Variants in ZC3H3 observed in about 807,000 individuals in gnomAD.
ZC3H3 encodes the protein zinc finger CCCH-type containing 3.
Under a neutral mutation model 77.3 loss-of-function variants are expected in ZC3H3, and 36 were observed. The ratio of observed to expected loss-of-function variants is 0.47; its 90% CI spans 0.36 to 0.61. ZC3H3 has a LOEUF of 0.61. Ranked by LOEUF, ZC3H3 falls within the 20% of genes least tolerant of loss-of-function variation. ZC3H3 has a pLI of 0.00. For synonymous variants in ZC3H3, 626 were observed against 555.2 expected, an observed-to-expected ratio of 1.13 and a Z score of -1.79; for missense variants, 1,331 against 1,312.2, an observed-to-expected ratio of 1.01 and a Z score of -0.22.
In ZC3H3 at chr8:143,521,455, G is replaced by C. The variant is rs62521942; in HGVS notation, c.1562-13556C>G. Among the ~76,000 whole-genome samples, 4 of 103,872 alleles carry C rather than the reference G, an allele frequency of 3.9e-5. No homozygotes were observed. In the East Asian group the frequency reaches 9.0e-4, roughly 23 times the overall value. 68.1% of individuals were successfully genotyped at this position (103,872 alleles called of 152,430 possible). On this transcript the variant is annotated intron_variant, in intron 3 of 11. Transcript: ENST00000262577. ...GCCTCTGGGGAGCTCCCAGCAGGCCGGGAGGACTGGGTGTGGGCAGGAAGC... is the reference window on the plus strand; with the variant it reads ...GCCTCTGGGGAGCTCCCAGCAGGCCCGGAGGACTGGGTGTGGGCAGGAAGC...
In ZC3H3 at chr8:143,473,433, G is replaced by C. The variant is rs143446093; in HGVS notation, c.1903+1965C>G. ...GAATCTTCACTGGTGTTCAGCCCAC[G>C]CCTCTCCCTGCACTAGGGACGTCAG... On this transcript the variant is annotated intron_variant, in intron 5 of 11. Coordinates refer to ENST00000262577, the MANE Select transcript of ZC3H3 (RefSeq NM_015117.3). Among the ~76,000 whole-genome samples, 32 of 152,276 alleles carry C rather than the reference G, an allele frequency of 2.1e-4. 2 individuals are homozygous for C. In the East Asian group the frequency reaches 6.2e-3, roughly 29 times the overall value.
intron 9 of ZC3H3, among the ~76,000 whole-genome samples, chr8:143,463,997 G>A (rs1820338695): frequency 6.6e-6 from 1 of 152,264 alleles, no homozygotes; most frequent in African/African-American, 2.4e-5. Context: ...ACTTGATTCA[G>A]TGGAATATTA....
chr8:143,494,745 C>A lies in ZC3H3; in HGVS notation c.1715+13001G>T, dbSNP rs1408969371. 6.6e-6 allele frequency among the ~76,000 whole-genome samples: 1 copy of A among 152,198 alleles called. No homozygotes were observed. The highest frequency in any genetic ancestry group is 2.1e-4 in the South Asian group (1 of 4,828). On this transcript the variant is annotated intron_variant, in intron 4 of 11. Transcript: ENST00000262577. The surrounding 1 kb of genome is among the most constrained non-coding windows in gnomAD (Gnocchi z 5.3). ...CCTGGGCAGGAACAAAGGCCTCATT[C>A]CACCAGGTAAGGCTGGCTCAGCAAG...
At chr8:143,534,290 A>AC (rs1037510058) in intron 3 of ZC3H3, among the ~76,000 whole-genome samples, 24 of 151,242 alleles carry the variant, frequency 1.6e-4, no homozygotes, top group Non-Finnish European at 3.0e-4. Flanking sequence ...AAAAAAAAAA[A>AC]AAAAAACGAC....
chr8:143,464,913 G>A (rs1041977435), intron 9 of ZC3H3, among the ~76,000 whole-genome samples: 1 of 152,140 alleles, frequency 6.6e-6, no homozygotes, highest in Non-Finnish European at 1.5e-5. Context: ...AGAAACAGGC[G>A]TGAGAGGCTG....
intron 1 of ZC3H3, among the ~76,000 whole-genome samples, 169 bp from the exon 2 acceptor site, chr8:143,539,489 A>G (rs1423335205): frequency 6.6e-6 from 1 of 152,188 alleles, no homozygotes; most frequent in East Asian, 1.9e-4. Context: ...CTGACAACTC[A>G]GCCCGCGTCA....
chr8:143,540,114 A>T (rs114746055), intron 1 of ZC3H3, among the ~76,000 whole-genome samples: 2 of 152,392 alleles, frequency 1.3e-5, no homozygotes, highest in South Asian at 4.1e-4. Flanking sequence ...AGTGTCCCCA[A>T]GTGGGAGGCA....
At chr8:143,520,554 GC>G in intron 3 of ZC3H3, among the ~76,000 whole-genome samples, 1 of 152,210 alleles carries the variant, frequency 6.6e-6, no homozygotes, top group Non-Finnish European at 1.5e-5. Context: ...TTTCAGCCGG[GC>G]CCACCCAGAC....
intron 3 of ZC3H3, among the ~76,000 whole-genome samples, chr8:143,512,144 G>A (rs926817430): frequency 6.6e-6 from 1 of 152,230 alleles, no homozygotes; most frequent in Non-Finnish European, 1.5e-5. Context: ...CATGCAAGGA[G>A]AGCGAGCAGG....
rs561259696 is a variant in ZC3H3, at chr8:143,538,479, C to T, written c.888G>A (p.Ser296=). 7 of 1,612,952 alleles carry T rather than the reference C, an allele frequency of 4.3e-6. No individual in the cohort carries two copies. Among genetic ancestry groups the T allele is most frequent in the African/African-American group, 1.3e-5 (1 of 75,058 alleles). ...ASGPRQAREA[S]LVVTCRTNKF... Reference sequence around the variant, plus strand: ...TGTTAGTTCGACAGGTCACAACCAGCGAGGCCTCCCGGGCCTGCCTGGGTC... The same window carrying T: ...TGTTAGTTCGACAGGTCACAACCAGTGAGGCCTCCCGGGCCTGCCTGGGTC... The change falls in exon 2 of 12, where the codon TCG becomes TCA. Residue 296 remains serine (S), a synonymous_variant. Coordinates refer to ENST00000262577, the MANE Select transcript of ZC3H3 (RefSeq NM_015117.3).
At chr8:143,534,339 G>A (rs928698921) in intron 3 of ZC3H3, among the ~76,000 whole-genome samples, 1 of 149,258 alleles carries the variant, frequency 6.7e-6, no homozygotes. Flanking sequence ...AGGCAGGACC[G>A]CAGCAGCCCC....
In ZC3H3 at chr8:143,530,078, T is replaced by C. The variant is rs1198207205; in HGVS notation, c.1561+6179A>G. ...ACGGGTAGGAATCGCCCTCCGTGTG[T>C]ACAGCAAGCTCTGGGCCAGAGGCAG... On this transcript the variant is annotated intron_variant, in intron 3 of 11. Transcript: ENST00000262577. The surrounding 1 kb of genome is among the most constrained non-coding windows in gnomAD (Gnocchi z 4.3). Among the ~76,000 whole-genome samples the C allele has an allele frequency of 2.0e-5, 3 of 152,168 alleles. No individual in the cohort carries two copies. Among genetic ancestry groups the C allele is most frequent in the African/African-American group, 7.2e-5 (3 of 41,444 alleles).
chr8:143,453,946 A>C (rs888888669), intron 9 of ZC3H3, among the ~76,000 whole-genome samples: 5 of 152,262 alleles, frequency 3.3e-5, no homozygotes, highest in Non-Finnish European at 7.3e-5. Flanking sequence ...ACCCAAGGTA[A>C]GCACTACAAA....
chr8:143,464,953 G>T (rs1360350508), intron 9 of ZC3H3, among the ~76,000 whole-genome samples: 1 of 140,566 alleles, frequency 7.1e-6, no homozygotes, highest in Non-Finnish European at 1.5e-5. Context: ...CCGGGACCAG[G>T]CCCACTGGAG....
intron 5 of ZC3H3, among the ~76,000 whole-genome samples, chr8:143,470,342 T>G (rs566754437): frequency 6.6e-6 from 1 of 151,758 alleles, no homozygotes; most frequent in Non-Finnish European, 1.5e-5. Context: ...AAAGGGGGCG[T>G]TGAAGAACGC....
At chr8:143,440,830 C>G in intron 10 of ZC3H3, 106 bp downstream of exon 10, 1 of 1,228,064 alleles carries the variant, frequency 8.1e-7, no homozygotes, top group Non-Finnish European at 1.0e-6. Flanking sequence ...GTCTGAGGCC[C>G]AAAGAGCTGG....
At chr8:143,516,525 TCACACACACACA>T (rs57359541) in intron 3 of ZC3H3, among the ~76,000 whole-genome samples, 3,730 of 140,002 alleles carry the variant, frequency 0.027, 57 homozygotes, top group Non-Finnish European at 0.036. Flanking sequence ...AACTTTGCAA[TCACACACACACA>T]CACACACACA....
intron 4 of ZC3H3, among the ~76,000 whole-genome samples, chr8:143,504,944 G>C (rs545406674): frequency 1.3e-5 from 2 of 152,234 alleles, no homozygotes; most frequent in African/African-American, 4.8e-5. Context: ...AACAGAGCAA[G>C]ATGCTAAGGC....
At chr8:143,535,978 C>A (rs1586971539) in intron 3 of ZC3H3, among the ~76,000 whole-genome samples, 1 of 152,212 alleles carries the variant, frequency 6.6e-6, no homozygotes, top group East Asian at 1.9e-4. Flanking sequence ...GCCGCCCTCT[C>A]CTCCCTCAGG....
Sources: allele counts gnomAD v4.1 joint callset (sites outside exome capture counted in the v4.1 genomes callset), GRCh38; gene constraint gnomAD v4.1.1; non-coding constraint Gnocchi (gnomAD v3.1); transcripts MANE v1.5; gene names NCBI Gene and HGNC (gene_info 2026-07-23, HGNC 2026-07-21).